Variants in FLT4 observed in about 807,000 individuals in gnomAD.
FLT4 encodes the protein vascular endothelial growth factor receptor 3.
FLT4 carries 30 observed loss-of-function variants against 163.2 expected under a neutral mutation model. That is an observed-to-expected ratio of 0.18 (90% CI 0.14 to 0.25). The LOEUF (loss-of-function observed/expected upper bound fraction) is 0.25. Among genes scored for constraint, FLT4 ranks in the 10% least tolerant of loss-of-function variants. The pLI, the probability that FLT4 is intolerant of heterozygous loss-of-function variation, is 1.00. For synonymous variants in FLT4, 884 were observed against 789.5 expected (o/e 1.12, Z -2.01); for missense variants, 1,510 against 1,863.8 (o/e 0.81, Z 3.50).
intron 1 of FLT4, among the ~76,000 whole-genome samples, chr5:180,647,525 G>C (rs558390208): frequency 6.6e-6 from 1 of 151,924 alleles, no homozygotes; most frequent in South Asian, 2.1e-4. Flanking sequence ...AGGATGCTCA[G>C]GCTTCTGGCC....
rs1304052821 is a variant in FLT4 at position 180,619,117 on chromosome 5, G to A, written c.2762-8C>T. The stretch of plus-strand genomic sequence containing the variant: ...CGATCACCATGAGGGGGCCTGCGGC[G>A]GGACCGGGCGGCGGCCGTGCGTTCG... On this transcript the variant is annotated splice_polypyrimidine_tract_variant and splice_region_variant and intron_variant, in intron 19 of 29. Transcript: ENST00000261937. 4.0e-6 allele frequency: 6 copies of A among 1,505,668 alleles called. No individual in the cohort carries two copies. In the South Asian group the frequency reaches 5.0e-5, roughly 13 times the overall value. 93.3% of individuals were successfully genotyped at this position (1,505,668 alleles called of 1,614,324 possible).
At chr5:180,628,387 C>G (rs1168289340) in intron 8 of FLT4, among the ~76,000 whole-genome samples, 3 of 152,234 alleles carry the variant, frequency 2.0e-5, no homozygotes, top group Admixed American at 2.0e-4. Flanking sequence ...ACTCCAGCAG[C>G]TTGTCGGCCT....
At chr5:180,621,999 CCTCT>C in intron 12 of FLT4, 95 bp from the exon 13 acceptor site, 2 of 1,529,652 alleles carry the variant, frequency 1.3e-6, no homozygotes, top group African/African-American at 1.4e-5. Flanking sequence ...TCCCTCCCTC[CCTCT>C]CTCCTGGAGG....
chr5:180,640,525 C>T (rs1482361073), intron 1 of FLT4, among the ~76,000 whole-genome samples: 1 of 152,264 alleles, frequency 6.6e-6, no homozygotes, highest in African/African-American at 2.4e-5. Flanking sequence ...GCCCTGTGCC[C>T]CAGTGGCCTC....
In FLT4 at chr5:180,611,523, A is replaced by T. The variant is rs748991652; in HGVS notation, c.3538-44T>A. On this transcript the variant is annotated intron_variant, in intron 26 of 29. Coordinates refer to ENST00000261937, the MANE Select transcript of FLT4 (RefSeq NM_182925.5). ...GCAGCCAGGCCAGAAACCACCAGCC[A>T]CTGCCCTCAGCCCTCGCCCCCACCC... 7 of 1,609,140 alleles carry T rather than the reference A, an allele frequency of 4.4e-6. No homozygotes were observed. The East Asian group carries it at 1.6e-4, about 36-fold the overall frequency.
chr5:180,649,413 G>T, intron 1 of FLT4, 75 bp downstream of exon 1: 2 of 1,164,500 alleles, frequency 1.7e-6, no homozygotes, highest in Non-Finnish European at 2.3e-6. Context: ...CGGTCTCAGC[G>T]CCCGCCCCAG....
intron 27 of FLT4, among the ~76,000 whole-genome samples, chr5:180,610,589 C>T (rs1762099892): frequency 6.6e-6 from 1 of 152,216 alleles, no homozygotes; most frequent in Admixed American, 6.5e-5. Context: ...AGAGCCTGGG[C>T]AGAGTTCCGG....
intron 24 of FLT4, 179 bp from the exon 25 acceptor site, chr5:180,613,289 C>T (rs538191231): frequency 2.0e-5 from 11 of 552,912 alleles, no homozygotes; most frequent in African/African-American, 7.6e-5. Context: ...GTGGGCAAGT[C>T]GCTGCCCTCC....
chr5:180,638,718 T>C (rs1764869647), intron 1 of FLT4, among the ~76,000 whole-genome samples: 1 of 152,202 alleles, frequency 6.6e-6, no homozygotes, highest in Admixed American at 6.5e-5. Flanking sequence ...CAGGCTGACT[T>C]CTCACGCTAA....
chr5:180,616,237 CACATGGCTGGCCA>C, intron 23 of FLT4, 117 bp downstream of exon 23: 1 of 1,319,282 alleles, frequency 7.6e-7, no homozygotes, highest in Non-Finnish European at 1.1e-6. Flanking sequence ...AGCAGCTGGG[CACATGGCTGGCCA>C]ACCAAGGAGC....
intron 29 of FLT4, among the ~76,000 whole-genome samples, chr5:180,605,755 G>A (rs1761748715): frequency 6.6e-6 from 1 of 152,140 alleles, no homozygotes; most frequent in Non-Finnish European, 1.5e-5. Flanking sequence ...GAAGAGCTAG[G>A]CCCTCCACTG....
At position 180,621,202 on chromosome 5, in the gene FLT4, C is replaced by G; in HGVS notation, c.2071G>C (p.Val691Leu). 1 of 1,612,836 alleles carries G rather than the reference C, an allele frequency of 6.2e-7. No individual in the cohort carries two copies. The highest frequency in any genetic ancestry group is 8.5e-7 in the Non-Finnish European group (1 of 1,179,974). The part of the protein sequence containing the change: ...TQNLTDLLVN[V>L]SDSLEMQCLV... Reference sequence around the variant, plus strand: ...CACTGCATCTCCAGCGAGTCGCTCACGTTCACCAGGAGGTCGGTCAAGTTC... The same window carrying G: ...CACTGCATCTCCAGCGAGTCGCTCAGGTTCACCAGGAGGTCGGTCAAGTTC... Residue 691 changes from valine to leucine, a missense_variant, in exon 14 of 30, where the codon GTG becomes CTG. This residue lies in a region of FLT4 where 878 missense variants were observed against 1,016.7 expected (regional missense o/e 0.86). Transcript: ENST00000261937.
chr5:180,609,225 C>G (rs1167470469), intron 28 of FLT4, 172 bp from the exon 29 acceptor site: 1 of 656,632 alleles, frequency 1.5e-6, no homozygotes, highest in Non-Finnish European at 2.8e-6. Flanking sequence ...GTGAGGGTCA[C>G]ATGCCCCTGC....
At position 180,631,410 on chromosome 5, in the gene FLT4, T is replaced by C. The variant is rs375537274; in HGVS notation, c.155+272A>G. On this transcript the variant is annotated intron_variant, in intron 2 of 29. Coordinates refer to ENST00000261937, the MANE Select transcript of FLT4 (RefSeq NM_182925.5). The stretch of plus-strand genomic sequence containing the variant: ...ATGGCGTGAACCCGGGAGGCAGAGC[T>C]TGCAGTGAGCCGAGATCGCACCACT... Among the ~76,000 whole-genome samples, 42 of 152,000 alleles carry C rather than the reference T, an allele frequency of 2.8e-4. 1 individual carries two copies. Among genetic ancestry groups the C allele is most frequent in the African/African-American group, 9.6e-4 (40 of 41,454 alleles).
At chr5:180,622,895 C>T in intron 11 of FLT4, 56 bp from the exon 12 acceptor site, 2 of 1,219,282 alleles carry the variant, frequency 1.6e-6, no homozygotes, top group Non-Finnish European at 2.4e-6. Flanking sequence ...CCAACCTGGG[C>T]CCTGTCTTTC....
chr5:180,619,022 G>T lies in FLT4; in HGVS notation c.2849C>A (p.Ala950Glu), dbSNP rs1381519868. Residue 950 changes from alanine to glutamate, a missense_variant and splice_region_variant, in exon 20 of 30, where the codon GCG (alanine) becomes GAG (glutamate). Transcript: ENST00000261937. ...RAKRDAFSPCAEKSPEQRGRF... is the reference protein window; with the variant it reads ...RAKRDAFSPCEEKSPEQRGRF... ...GCGCCCCGCAGGCCGCCCGCTCACCGCGCAGGGGCTGAAGGCGTCCCGCTT... is the reference window on the plus strand; with the variant it reads ...GCGCCCCGCAGGCCGCCCGCTCACCTCGCAGGGGCTGAAGGCGTCCCGCTT... 2 of 1,551,994 alleles carry T rather than the reference G, an allele frequency of 1.3e-6. No homozygotes were observed. The highest frequency in any genetic ancestry group is 2.0e-5 in the Admixed American group (1 of 51,098).
intron 29 of FLT4, among the ~76,000 whole-genome samples, chr5:180,606,006 C>T (rs777184403): frequency 3.9e-5 from 6 of 152,186 alleles, no homozygotes; most frequent in Non-Finnish European, 8.8e-5. Flanking sequence ...TCTCCCCACA[C>T]CCCACCAAGG....
At chr5:180,640,698 C>G (rs1018310924) in intron 1 of FLT4, among the ~76,000 whole-genome samples, 1 of 152,254 alleles carries the variant, frequency 6.6e-6, no homozygotes, top group Non-Finnish European at 1.5e-5. Flanking sequence ...GGAGAGCCAG[C>G]CTTGCTTTCC....
rs113702127 is a variant in FLT4, at chr5:180,636,983, C to G, written c.59-5205G>C. ...GGCCCCCACAGGAGCTCCTCCCCCCCATTTTCCTGGGTGCACACAGTTCAG... is the reference window on the plus strand; with the variant it reads ...GGCCCCCACAGGAGCTCCTCCCCCCGATTTTCCTGGGTGCACACAGTTCAG... On this transcript the variant is annotated intron_variant, in intron 1 of 29. Transcript: ENST00000261937. The surrounding 1 kb of genome is among the most constrained non-coding windows in gnomAD (Gnocchi z 4.3). 2.2e-3 allele frequency among the ~76,000 whole-genome samples: 328 copies of G among 152,224 alleles called. 1 individual carries two copies. The highest frequency in any genetic ancestry group is 7.1e-3 in the African/African-American group (297 of 41,546).
Sources: gnomAD v4.1 joint callset for allele counts (sites outside exome capture counted in the v4.1 genomes callset) on GRCh38, gnomAD v4.1.1 for gene constraint, gnomAD v4.1.1 regional missense constraint, Gnocchi (gnomAD v3.1) non-coding constraint, MANE v1.5 for transcripts, NCBI Gene and HGNC (gene_info 2026-07-23, HGNC 2026-07-21) for gene names.